The following WDTC1 variants were observed in gnomAD, a reference collection of about 807,000 sequenced individuals.
WDTC1 encodes WD and tetratricopeptide repeats 1.
WDTC1 carries 12 observed loss-of-function variants against 76.0 expected under a neutral mutation model. The ratio of observed to expected loss-of-function variants is 0.16; its 90% CI spans 0.10 to 0.26. The LOEUF is 0.26. Ranked by LOEUF, WDTC1 falls within the 10% of genes least tolerant of loss-of-function variation. WDTC1 has a pLI of 1.00. For missense variants in WDTC1, 511 were observed against 908.8 expected (o/e 0.56, Z 5.63); for synonymous variants, 326 against 350.8 (o/e 0.93, Z 0.79).
intron 6 of WDTC1, among the ~76,000 whole-genome samples, chr1:27,290,549 A>C (rs116355033): frequency 0.035 from 5,308 of 152,312 alleles, 131 homozygotes; most frequent in Middle Eastern, 0.051. Context: ...TCTCTTGAAC[A>C]GTTGGTCAGT....
At chr1:27,292,490 C>G in intron 7 of WDTC1, 93 bp downstream of exon 7, 2 of 1,258,522 alleles carry the variant, frequency 1.6e-6, no homozygotes, top group African/African-American at 1.5e-5. Context: ...CCCTCTTCTT[C>G]TATCACAGCT....
chr1:27,286,595 G>A (rs923713170), intron 5 of WDTC1, among the ~76,000 whole-genome samples: 3 of 147,068 alleles, frequency 2.0e-5, no homozygotes, highest in Admixed American at 6.9e-5. Context: ...TCAGCCTCCC[G>A]AGTAGCTGGG....
intron 5 of WDTC1, among the ~76,000 whole-genome samples, chr1:27,286,099 G>A (rs910894418): frequency 2.1e-5 from 3 of 144,136 alleles, no homozygotes; most frequent in East Asian, 4.4e-4. Context: ...TCCACCTCCC[G>A]GCTTCAAGTG....
At position 27,243,308 on chromosome 1, in the gene WDTC1, G is replaced by A. The variant is rs11247631; in HGVS notation, c.-100+8357G>A. Among the ~76,000 whole-genome samples the A allele has an allele frequency of 6.0e-3, 881 of 145,948 alleles. 14 individuals are homozygous for A. The highest frequency in any genetic ancestry group is 0.021 in the African/African-American group (823 of 39,854). Reference sequence around the variant, plus strand: ...GCTCACTGCAACCTCTGCCTCCTGAGTTCAAGTGATTCTCCTGCCTCAGCC... The same window carrying A: ...GCTCACTGCAACCTCTGCCTCCTGAATTCAAGTGATTCTCCTGCCTCAGCC... On this transcript the variant is annotated intron_variant, in intron 1 of 15. Transcript: ENST00000319394.
At chr1:27,272,121 C>CTGT (rs1454487007) in intron 3 of WDTC1, among the ~76,000 whole-genome samples, 1 of 151,730 alleles carries the variant, frequency 6.6e-6, no homozygotes, top group African/African-American at 2.4e-5. Context: ...TGGTGCACGC[C>CTGT]TGTAATCCCA....
intron 12 of WDTC1, among the ~76,000 whole-genome samples, chr1:27,299,836 C>G (rs1160178405): frequency 6.6e-6 from 1 of 152,108 alleles, no homozygotes; most frequent in African/African-American, 2.4e-5. Flanking sequence ...CTCTCTACCC[C>G]CATCCCCACA....
At chr1:27,255,376 T>C (rs184067873) in intron 1 of WDTC1, 1 of 152,268 alleles carries the variant, frequency 6.6e-6, no homozygotes, top group African/African-American at 2.4e-5. Context: ...CTGTGTAATA[T>C]TGTGAAAATT....
intron 1 of WDTC1, among the ~76,000 whole-genome samples, chr1:27,259,495 T>C (rs554121009): frequency 2.6e-5 from 4 of 151,706 alleles, no homozygotes; most frequent in Non-Finnish European, 5.9e-5. Flanking sequence ...ATGATAAAAT[T>C]GTTTTCCTTC....
chr1:27,302,460 C>T (rs1419807870), intron 13 of WDTC1, among the ~76,000 whole-genome samples: 3 of 152,100 alleles, frequency 2.0e-5, no homozygotes, highest in Admixed American at 6.6e-5. Flanking sequence ...TGTGGCCTAG[C>T]GCGGTGGCTC....
intron 3 of WDTC1, among the ~76,000 whole-genome samples, chr1:27,268,620 T>C (rs906798686): frequency 5.3e-5 from 8 of 151,902 alleles, no homozygotes; most frequent in Non-Finnish European, 7.4e-5. Context: ...GGTTTCACCA[T>C]GTTGGTCAGG....
intron 5 of WDTC1, 142 bp from the exon 6 acceptor site, chr1:27,287,532 A>G (rs1260547445): frequency 3.3e-6 from 3 of 909,878 alleles, no homozygotes; most frequent in South Asian, 1.7e-5. Flanking sequence ...GATTACAGGC[A>G]TGAGCCACCG....
At chr1:27,296,460 T>G in intron 10 of WDTC1, 59 bp downstream of exon 10, 15 of 1,554,214 alleles carry the variant, frequency 9.7e-6, no homozygotes, top group Non-Finnish European at 1.2e-5. Flanking sequence ...AAGTGCATGC[T>G]ACACCTGCTG....
intron 6 of WDTC1, among the ~76,000 whole-genome samples, chr1:27,289,119 T>C (rs1325166464): frequency 7.4e-5 from 9 of 122,314 alleles, no homozygotes; most frequent in African/African-American, 1.6e-4. Flanking sequence ...GGCGGCTGGC[T>C]GGGCAGAGGG....
At chr1:27,296,426 T>G in intron 10 of WDTC1, 25 bp downstream of exon 10, 2 of 1,612,236 alleles carry the variant, frequency 1.2e-6, no homozygotes, top group East Asian at 2.2e-5. Flanking sequence ...AGGGTATCTC[T>G]ACTGCGGCGG....
rs2013737622 is a variant in WDTC1 at position 27,297,980 on chromosome 1, G to A, written c.1101G>A (p.Gln367=). The A allele has an allele frequency of 2.5e-6, 4 of 1,613,882 alleles. No homozygotes were observed. Among genetic ancestry groups the A allele is most frequent in the South Asian group, 2.2e-5 (2 of 91,030 alleles). ...CACCATACCTGGAGCGTGTGAAACA[G>A]CAAGCCAATGAGGCTTTTGCCTGCC... is the stretch of plus-strand genomic sequence containing the variant. ...ELPPYLERVK[Q]QANEAFACQQ... is the part of the protein sequence containing the mutation. Residue 367 remains glutamine (Q), a synonymous_variant, in exon 12 of 16, where the codon CAG becomes CAA. Transcript: ENST00000319394.
chr1:27,268,662 C>T (rs1014893206), intron 3 of WDTC1, among the ~76,000 whole-genome samples: 1 of 151,006 alleles, frequency 6.6e-6, no homozygotes, highest in Non-Finnish European at 1.5e-5. Context: ...CGTGATTCAC[C>T]CACCTCGGCC....
Position 27,292,319 on chromosome 1 carries a change from A to G in WDTC1, c.584A>G (p.Gln195Arg). ...VEAKCLTVNP[Q>R]DNNCLAVGAS... ...GCCAAGTGCCTCACTGTCAACCCCC[A>G]GGACAACAACTGCCTGGCAGTTGGG... The change falls in exon 7 of 16, where the codon CAG (glutamine) becomes CGG (arginine). Residue 195 changes from glutamine (Q) to arginine (R), a missense_variant. Gln to Arg is a conservative substitution (Grantham distance 43). Coordinates refer to ENST00000319394, the MANE Select transcript of WDTC1 (RefSeq NM_001276252.2). 1 of 1,613,246 alleles carries G rather than the reference A, an allele frequency of 6.2e-7. No homozygotes were observed. The highest frequency in any genetic ancestry group is 8.5e-7 in the Non-Finnish European group (1 of 1,179,652).
intron 2 of WDTC1, among the ~76,000 whole-genome samples, chr1:27,262,921 GCTTT>G (rs748225752): frequency 1.7e-3 from 253 of 149,182 alleles, no homozygotes; most frequent in Non-Finnish European, 3.0e-3. Context: ...AAAATTTTTT[GCTTT>G]CTTTAAAAAA....
rs2012952245 is a variant in WDTC1 at position 27,274,048 on chromosome 1, T to C, written c.133-8191T>C. Among the ~76,000 whole-genome samples, 1 of 152,152 alleles carries C rather than the reference T, an allele frequency of 6.6e-6. No homozygotes were observed. Among genetic ancestry groups the C allele is most frequent in the Non-Finnish European group, 1.5e-5 (1 of 68,034 alleles). On this transcript the variant is annotated intron_variant, in intron 3 of 15. Coordinates refer to ENST00000319394, the MANE Select transcript of WDTC1 (RefSeq NM_001276252.2). The surrounding 1 kb of genome is among the most constrained non-coding windows in gnomAD (Gnocchi z 4.2). ...TGGCTCACACCTGTAATCCTATCAC[T>C]TTGGAGGCTGAGGTGGGAGGATCAC... is the stretch of plus-strand genomic sequence containing the variant.
Sources: gnomAD v4.1 joint callset for allele counts (sites outside exome capture counted in the v4.1 genomes callset) on GRCh38, gnomAD v4.1.1 for gene constraint, Gnocchi (gnomAD v3.1) non-coding constraint, MANE v1.5 for transcripts, NCBI Gene and HGNC (gene_info 2026-07-23, HGNC 2026-07-21) for gene names.